DLGAP1: variants seen among roughly 807,000 people sequenced by gnomAD.
DLGAP1 encodes the protein DLG associated protein 1.
DLGAP1 carries 11 observed loss-of-function variants against 90.8 expected under a neutral mutation model. The observed-to-expected ratio is 0.12, with a 90% CI of 0.08 to 0.20. DLGAP1 has a LOEUF of 0.20. DLGAP1 is among the 10% of genes least tolerant of loss of function. The probability of loss-of-function intolerance (pLI) is 1.00; values close to 1 mark genes in which losing one functional copy is unlikely to be tolerated. For missense variants in DLGAP1, 1,050 were observed against 1,333.8 expected, an observed-to-expected ratio of 0.79 and a Z score of 3.31; for synonymous variants, 558 against 540.7, an observed-to-expected ratio of 1.03 and a Z score of -0.44.
intron 1 of DLGAP1, among the ~76,000 whole-genome samples, chr18:4,334,754 C>A (rs921513186): frequency 6.6e-6 from 1 of 151,970 alleles, no homozygotes; most frequent in Admixed American, 6.5e-5. Flanking sequence ...TCCTCAACCT[C>A]AAACCTGCCT....
rs562611307 is a variant in DLGAP1, at chr18:4,293,341, G to A, written c.-266-142054C>T. On this transcript the variant is annotated intron_variant, in intron 1 of 12. Coordinates refer to ENST00000315677, the MANE Select transcript of DLGAP1 (RefSeq NM_004746.4). ...GGCTCTGAAACAAGTCTCCTCATTT[G>A]TCAGAGAAAGGACAGAGAAGATCCA... The A allele has an allele frequency of 2.0e-5, 3 of 152,346 alleles. No homozygotes were observed. The South Asian group carries it at 6.2e-4, about 32-fold the overall frequency. 9.4% of individuals were successfully genotyped at this position (152,346 alleles called of 1,614,324 possible).
chr18:4,285,613 C>T (rs1313806570), intron 1 of DLGAP1, among the ~76,000 whole-genome samples: 1 of 152,174 alleles, frequency 6.6e-6, no homozygotes, highest in Non-Finnish European at 1.5e-5. Context: ...AGCAGATTCA[C>T]AGACTCCAGG....
chr18:3,635,817 C>T (rs976416168), intron 7 of DLGAP1, among the ~76,000 whole-genome samples: 1 of 151,536 alleles, frequency 6.6e-6, no homozygotes, highest in Non-Finnish European at 1.5e-5. Context: ...ATCTCCTCAT[C>T]CCATGGATGA....
intron 2 of DLGAP1, among the ~76,000 whole-genome samples, chr18:4,036,323 C>G (rs1038408927): frequency 3.3e-5 from 5 of 152,108 alleles, no homozygotes; most frequent in African/African-American, 9.7e-5. Flanking sequence ...AAATGCAGTA[C>G]TTAGGAAGAA....
chr18:4,162,566 AT>A (rs1253340825), intron 1 of DLGAP1, among the ~76,000 whole-genome samples: 1 of 152,156 alleles, frequency 6.6e-6, no homozygotes, highest in African/African-American at 2.4e-5. Flanking sequence ...TTCCACCTAA[AT>A]TTTCTGAGAT....
In DLGAP1 at chr18:3,581,988, T is replaced by A; in HGVS notation, c.1852A>T (p.Met618Leu). 6.2e-7 allele frequency: 1 copy of A among 1,614,010 alleles called. No homozygotes were observed. Among genetic ancestry groups the A allele is most frequent in the South Asian group, 1.1e-5 (1 of 91,070 alleles). ...AQIHGPASQH[M>L]GNNTATVTTT... ...GTGACGGTGGCAGTGTTATTGCCCA[T>A]GTGTTGACTGGCAGGGCCATGGATC... is the stretch of plus-strand genomic sequence containing the variant. Residue 618 changes from methionine to leucine, a missense_variant, in exon 8 of 13, where the codon ATG becomes TTG. By Grantham distance (15) the Met-to-Leu change is conservative. This residue lies in a region of DLGAP1 where 565 missense variants were observed against 879.7 expected (regional missense o/e 0.64). Coordinates refer to ENST00000315677, the MANE Select transcript of DLGAP1 (RefSeq NM_004746.4).
chr18:3,796,063 G>C (rs775536021), intron 5 of DLGAP1, among the ~76,000 whole-genome samples: 3 of 152,122 alleles, frequency 2.0e-5, no homozygotes, highest in Non-Finnish European at 4.4e-5. Flanking sequence ...CCAATTAGTA[G>C]CCAGGTTTCC....
intron 2 of DLGAP1, among the ~76,000 whole-genome samples, chr18:4,124,218 C>A (rs1216710782): frequency 6.6e-6 from 1 of 152,172 alleles, no homozygotes; most frequent in Non-Finnish European, 1.5e-5. Flanking sequence ...AATATGCTTT[C>A]TCCTATGAAT....
chr18:3,544,366 C>T (rs533742731), intron 9 of DLGAP1, among the ~76,000 whole-genome samples: 6 of 151,450 alleles, frequency 4.0e-5, no homozygotes, highest in South Asian at 2.1e-4. Context: ...CCAGCATGGG[C>T]GAAAAAGCGA....
intron 3 of DLGAP1, among the ~76,000 whole-genome samples, chr18:3,966,153 G>A (rs2073326549): frequency 6.6e-6 from 1 of 152,032 alleles, no homozygotes; most frequent in South Asian, 2.1e-4. Context: ...GGTTGGAGGG[G>A]AGCACTACAG....
At chr18:3,648,909 T>C (rs2059206974) in intron 7 of DLGAP1, among the ~76,000 whole-genome samples, 1 of 152,140 alleles carries the variant, frequency 6.6e-6, no homozygotes, top group African/African-American at 2.4e-5. Flanking sequence ...GAAGGGTAGG[T>C]TATGGTGCTT....
At chr18:4,201,806 T>C (rs1379316560) in intron 1 of DLGAP1, among the ~76,000 whole-genome samples, 1 of 152,114 alleles carries the variant, frequency 6.6e-6, no homozygotes, top group Non-Finnish European at 1.5e-5. Context: ...ATGGCCATTA[T>C]TAAAAAGTCA....
intron 9 of DLGAP1, among the ~76,000 whole-genome samples, chr18:3,535,045 T>A (rs2052264947): frequency 6.6e-6 from 1 of 151,254 alleles, no homozygotes; most frequent in African/African-American, 2.4e-5. Context: ...GGTGTGACCA[T>A]TAGAAGTCTC....
intron 5 of DLGAP1, among the ~76,000 whole-genome samples, chr18:3,751,169 TC>T (rs2063478735): frequency 6.6e-6 from 1 of 152,234 alleles, no homozygotes; most frequent in Non-Finnish European, 1.5e-5. Flanking sequence ...CTTGAGTGCT[TC>T]CTTTATGCCG....
rs532774314 is a variant in DLGAP1 at position 3,786,977 on chromosome 18, T to C, written c.1172+27082A>G. ...GTTCGCATTTTTACATTGTCTTAGA[T>C]GAAAGCAGTGAATAAGTACCAAATG... On this transcript the variant is annotated intron_variant, in intron 5 of 12. Coordinates refer to ENST00000315677, the MANE Select transcript of DLGAP1 (RefSeq NM_004746.4). Among the ~76,000 whole-genome samples, 5 of 152,254 alleles carry C rather than the reference T, an allele frequency of 3.3e-5. No individual in the cohort carries two copies. In the East Asian group the frequency reaches 9.7e-4, roughly 29 times the overall value.
intron 9 of DLGAP1, among the ~76,000 whole-genome samples, chr18:3,537,271 C>A (rs80240164): frequency 1.3e-5 from 2 of 152,148 alleles, no homozygotes; most frequent in African/African-American, 4.8e-5. Flanking sequence ...TCCTCCTCCC[C>A]CTGGCCCCAG....
chr18:3,796,900 T>C (rs1028965797), intron 5 of DLGAP1, among the ~76,000 whole-genome samples: 1 of 152,210 alleles, frequency 6.6e-6, no homozygotes, highest in Non-Finnish European at 1.5e-5. Context: ...ATGGACTGAA[T>C]TGTTTTCCTC....
chr18:3,916,253 C>T (rs925316222), intron 3 of DLGAP1, among the ~76,000 whole-genome samples: 8 of 152,126 alleles, frequency 5.3e-5, no homozygotes, highest in Non-Finnish European at 1.2e-4. Context: ...TTTTTGTGCC[C>T]GTGTCTTCTC....
intron 2 of DLGAP1, among the ~76,000 whole-genome samples, chr18:4,106,652 C>CT (rs1444430032): frequency 2.6e-5 from 4 of 152,244 alleles, no homozygotes; most frequent in African/African-American, 9.6e-5. Flanking sequence ...AAGCAAGGCG[C>CT]TGCCTGTCTT....
Sources: gnomAD v4.1 joint callset for allele counts (sites outside exome capture counted in the v4.1 genomes callset) on GRCh38, gnomAD v4.1.1 for gene constraint, gnomAD v4.1.1 regional missense constraint, MANE v1.5 for transcripts, NCBI Gene and HGNC (gene_info 2026-07-23, HGNC 2026-07-21) for gene names.